EIF3CL: variants seen among roughly 807,000 people sequenced by gnomAD.
EIF3CL encodes the protein eukaryotic translation initiation factor 3 subunit C like.
For missense variants in EIF3CL, 5 were observed against 56.1 expected, an observed-to-expected ratio of 0.09 and a Z score of 2.91; for synonymous variants, 2 against 19.6, an observed-to-expected ratio of 0.10 and a Z score of 2.37.
At chr16:28,384,279 C>T in intron 15 of EIF3CL, among the ~76,000 whole-genome samples, 1 of 1,692 alleles carries the variant, frequency 5.9e-4, no homozygotes. Flanking sequence ...TCAGCCTCTC[C>T]GAGTAGCTGG....
chr16:28,414,642 T>G, the EIF3CL span: 12 of 315,516 alleles, frequency 3.8e-5, 3 homozygotes, highest in South Asian at 7.2e-5. Flanking sequence ...TGACTGCTAG[T>G]GCATGGAGAG....
At chr16:28,417,175 C>T in the EIF3CL span, among the ~76,000 whole-genome samples, 8 of 144,634 alleles carry the variant, frequency 5.5e-5, no homozygotes, top group Non-Finnish European at 9.1e-5. Flanking sequence ...CCAGCCGCCC[C>T]GTCCGGGAGG....
the EIF3CL span, among the ~76,000 whole-genome samples, chr16:28,415,708 C>T: frequency 3.0e-4 from 40 of 134,734 alleles, 5 homozygotes; most frequent in African/African-American, 1.0e-3. Flanking sequence ...TGAGATAGTG[C>T]CACTGCACTC....
At chr16:28,415,319 C>G in the EIF3CL span, among the ~76,000 whole-genome samples, 1 of 79,842 alleles carries the variant, frequency 1.3e-5, no homozygotes, top group Non-Finnish European at 2.3e-5. Context: ...CCAGGCTGGT[C>G]CGCCAGGTAG....
At chr16:28,422,840 C>CA in the EIF3CL span, among the ~76,000 whole-genome samples, 1 of 114,636 alleles carries the variant, frequency 8.7e-6, no homozygotes, top group Non-Finnish European at 1.9e-5. Context: ...CAGTCTCAAA[C>CA]AAAAAAAGAA....
rs765816016 is a variant in EIF3CL, at chr16:28,391,853, C to A, written c.942G>T (p.Glu314Asp). 2.8e-6 allele frequency: 4 copies of A among 1,444,066 alleles called. 1 individual carries two copies. The South Asian group carries it at 4.8e-5, about 17-fold the overall frequency. 89.5% of individuals were successfully genotyped at this position (1,444,066 alleles called of 1,614,324 possible). Reference protein sequence around the residue: ...RVRGGVPLVKEKPKMFAKGTE... With the variant: ...RVRGGVPLVKDKPKMFAKGTE... The stretch of plus-strand genomic sequence containing the variant: ...TTCCCTTGGCAAACATTTTTGGCTT[C>A]TCCTGTATCAGTACATATCCCGTCA... The change falls in exon 10 of 21, where the codon GAG (glutamate) becomes GAT (aspartate). Residue 314 changes from glutamate (E) to aspartate (D), a missense_variant and splice_region_variant. Glu to Asp is a conservative substitution (Grantham distance 45, BLOSUM62 2). Transcript: ENST00000380876.
At chr16:28,417,171 G>T in the EIF3CL span, among the ~76,000 whole-genome samples, 1 of 142,358 alleles carries the variant, frequency 7.0e-6, no homozygotes, top group Non-Finnish European at 1.5e-5. Context: ...CCGGCCAGCC[G>T]CCCCGTCCGG....
At chr16:28,423,971 G>A in the EIF3CL span, among the ~76,000 whole-genome samples, 2 of 101,184 alleles carry the variant, frequency 2.0e-5, no homozygotes, top group Non-Finnish European at 4.1e-5. Flanking sequence ...ACAGGCGCCC[G>A]CAACCACACC....
chr16:28,417,419 T>C, the EIF3CL span, among the ~76,000 whole-genome samples: 2 of 130,034 alleles, frequency 1.5e-5, no homozygotes, highest in Non-Finnish European at 3.3e-5. Flanking sequence ...ATGGTTGCCG[T>C]GTCTGTGTAG....
chr16:28,381,932 G>A (rs1361707970), intron 16 of EIF3CL, among the ~76,000 whole-genome samples: 1 of 8,036 alleles, frequency 1.2e-4, no homozygotes, highest in African/African-American at 2.4e-4. Context: ...GGTTGGTCTG[G>A]GCGCAGTGGC....
chr16:28,386,196 A>C (rs866286658), intron 15 of EIF3CL, among the ~76,000 whole-genome samples: 1,846 of 52,588 alleles, frequency 0.035, 63 homozygotes, highest in East Asian at 0.23. Flanking sequence ...CTGCCGACAG[A>C]GCGAGACTCC....
chr16:28,385,697 CT>C (rs995074480), intron 15 of EIF3CL, among the ~76,000 whole-genome samples: 1 of 32,278 alleles, frequency 3.1e-5, no homozygotes, highest in Non-Finnish European at 6.9e-5. Flanking sequence ...GAAAGGAAGT[CT>C]TTTCTACAAA....
At chr16:28,386,880 A>G (rs1163442047) in intron 15 of EIF3CL, among the ~76,000 whole-genome samples, 4 of 13,368 alleles carry the variant, frequency 3.0e-4, no homozygotes. Context: ...CACACCCCTA[A>G]AAGATCTTTG....
chr16:28,414,941 CAAG>C, the EIF3CL span: 1 of 508,632 alleles, frequency 2.0e-6, no homozygotes, highest in Non-Finnish European at 4.0e-6. Context: ...TCAGCGAGGC[CAAG>C]GAGGGAGAGG....
At position 28,396,647 on chromosome 16, in the gene EIF3CL, G is replaced by A. The variant is rs1468436853; in HGVS notation, c.776+3224C>T. ...TGCACCACTGCACTCCAGCCTGGGC[G>A]ACAGTGCAAGACTCTGTCTCAAAAA... On this transcript the variant is annotated intron_variant, in intron 8 of 20. Coordinates refer to ENST00000380876, the MANE Select transcript of EIF3CL (RefSeq NM_001317857.2). 7.2e-5 allele frequency among the ~76,000 whole-genome samples: 6 copies of A among 83,870 alleles called. No homozygotes were observed. The East Asian group carries it at 7.5e-4, about 11-fold the overall frequency. 55.0% of individuals were successfully genotyped at this position (83,870 alleles called of 152,430 possible).
At chr16:28,417,208 C>T in the EIF3CL span, among the ~76,000 whole-genome samples, 4 of 148,638 alleles carry the variant, frequency 2.7e-5, no homozygotes, top group South Asian at 2.1e-4. Context: ...GTCAGCCCCC[C>T]TGCCCGGCGA....
chr16:28,416,948 G>A, the EIF3CL span, among the ~76,000 whole-genome samples: 4 of 87,232 alleles, frequency 4.6e-5, no homozygotes, highest in Admixed American at 1.2e-4. Context: ...GCCTCTGCCC[G>A]GCCGCCCCTA....
the EIF3CL span, among the ~76,000 whole-genome samples, chr16:28,411,186 G>A: frequency 6.8e-6 from 1 of 146,420 alleles, no homozygotes; most frequent in African/African-American, 2.5e-5. Flanking sequence ...TGGGATTACA[G>A]GCATGCACCA....
chr16:28,415,813 TCTTCCTCTC>T, the EIF3CL span, among the ~76,000 whole-genome samples: 79 of 73,792 alleles, frequency 1.1e-3, 2 homozygotes, highest in African/African-American at 3.0e-3. Context: ...TCCCTCTCCC[TCTTCCTCTC>T]CCTCTCCCTC....
Sources: gnomAD v4.1 joint callset for allele counts (sites outside exome capture counted in the v4.1 genomes callset) on GRCh38, gnomAD v4.1.1 for gene constraint, MANE v1.5 for transcripts, NCBI Gene and HGNC (gene_info 2026-07-23, HGNC 2026-07-21) for gene names.